The following SOX5 variants were observed in gnomAD, a reference collection of about 807,000 sequenced individuals.
The protein encoded by SOX5 is transcription factor SOX-5.
In SOX5, 9 loss-of-function variants were observed where a neutral mutation model predicts 92.0. That is an observed-to-expected ratio of 0.10 (90% CI 0.06 to 0.17). The LOEUF (loss-of-function observed/expected upper bound fraction) is 0.17. Among genes scored for constraint, SOX5 ranks in the 10% least tolerant of loss-of-function variants. The pLI is 1.00. For missense variants in SOX5, 642 were observed against 944.5 expected, an observed-to-expected ratio of 0.68 and a Z score of 4.20; for synonymous variants, 344 against 336.3, an observed-to-expected ratio of 1.02 and a Z score of -0.25.
chr12:24,234,373 C>A (rs1964022539), intron 3 of SOX5, among the ~76,000 whole-genome samples: 2 of 152,058 alleles, frequency 1.3e-5, no homozygotes, highest in Admixed American at 1.3e-4. Context: ...CACATATTTA[C>A]CTATCATGTT....
intron 2 of SOX5, among the ~76,000 whole-genome samples, chr12:24,280,232 G>A (rs1944997959): frequency 6.6e-6 from 1 of 152,158 alleles, no homozygotes; most frequent in African/African-American, 2.4e-5. Flanking sequence ...AGAATGCACT[G>A]TCATACTAAA....
At chr12:23,984,979 G>C (rs914172566) in intron 4 of SOX5, among the ~76,000 whole-genome samples, 15 of 152,090 alleles carry the variant, frequency 9.9e-5, no homozygotes, top group African/African-American at 3.6e-4. Flanking sequence ...TGAGCAGTAG[G>C]ATATAAATAA....
chr12:24,297,660 GCAGGT>G (rs1245589084), intron 2 of SOX5, among the ~76,000 whole-genome samples: 2 of 152,200 alleles, frequency 1.3e-5, no homozygotes, highest in African/African-American at 4.8e-5. Flanking sequence ...TCCCAGTGCT[GCAGGT>G]CAGGTCAAGA....
chr12:23,915,298 C>T (rs1033512035), intron 1 of SOX5, among the ~76,000 whole-genome samples: 2 of 152,070 alleles, frequency 1.3e-5, no homozygotes, highest in Admixed American at 6.5e-5. Context: ...TAGCTCTAAA[C>T]CATAGTTAAG....
intron 6 of SOX5, among the ~76,000 whole-genome samples, chr12:23,670,044 G>A (rs2084506523): frequency 6.6e-6 from 1 of 152,130 alleles, no homozygotes; most frequent in Non-Finnish European, 1.5e-5. Context: ...AAACGTGGAG[G>A]AAAGGTGCCT....
At chr12:24,267,831 A>G (rs1943213695) in intron 3 of SOX5, among the ~76,000 whole-genome samples, 1 of 152,196 alleles carries the variant, frequency 6.6e-6, no homozygotes, top group African/African-American at 2.4e-5. Flanking sequence ...AATTGTTATT[A>G]TATTCTTAAG....
chr12:24,001,623 G>T (rs1951618258), intron 4 of SOX5, among the ~76,000 whole-genome samples: 1 of 151,934 alleles, frequency 6.6e-6, no homozygotes, highest in Admixed American at 6.6e-5. Context: ...TTCAAGACTA[G>T]TCTAGGCAAC....
intron 6 of SOX5, among the ~76,000 whole-genome samples, chr12:23,729,619 C>G (rs896733788): frequency 6.6e-6 from 1 of 152,122 alleles, no homozygotes; most frequent in East Asian, 1.9e-4. Flanking sequence ...AATACTAATT[C>G]TTTGCTTGCA....
At chr12:23,871,879 A>C (rs1046948135) in intron 2 of SOX5, among the ~76,000 whole-genome samples, 4 of 152,132 alleles carry the variant, frequency 2.6e-5, no homozygotes, top group Admixed American at 1.3e-4. Flanking sequence ...CCTGTCTATA[A>C]CAATAGAGTT....
At position 23,830,729 on chromosome 12, in the gene SOX5, G is replaced by T. The variant is rs756480666; in HGVS notation, c.481+15254C>A. ...TTGGGATTTTGAACTTAGGAAAGCC[G>T]ATCTCCATAATTTCCCCATAAAAAT... On this transcript the variant is annotated intron_variant, in intron 3 of 14. Transcript: ENST00000451604. Among the ~76,000 whole-genome samples the T allele has an allele frequency of 6.6e-5, 10 of 152,224 alleles. No individual in the cohort carries two copies. The East Asian group carries it at 1.7e-3, about 26-fold the overall frequency.
chr12:23,796,915 A>ATG (rs1348222403), intron 3 of SOX5, among the ~76,000 whole-genome samples: 13 of 147,126 alleles, frequency 8.8e-5, no homozygotes, highest in Non-Finnish European at 1.9e-4. Context: ...ATTTATATAT[A>ATG]TATATACTCA....
At position 23,578,144 on chromosome 12, in the gene SOX5, A is replaced by AAAAAAAAAAAAAG. The variant is rs1432589481; in HGVS notation, c.1165-2307_1165-2306insCTTTTTTTTTTTT. On this transcript the variant is annotated intron_variant, in intron 9 of 14. Transcript: ENST00000451604. ...AAAAAAAAAAAAAAAAAAAAAAAAA[A>AAAAAAAAAAAAAG]AAAAAACTATAGGGGCAATATTATC... Among the ~76,000 whole-genome samples, 6 of 134,908 alleles carry AAAAAAAAAAAAAG rather than the reference A, an allele frequency of 4.4e-5. 1 individual carries two copies. Among genetic ancestry groups the AAAAAAAAAAAAAG allele is most frequent in the Non-Finnish European group, 9.7e-5 (6 of 61,726 alleles). 88.5% of individuals were successfully genotyped at this position (134,908 alleles called of 152,430 possible).
intron 4 of SOX5, among the ~76,000 whole-genome samples, chr12:24,009,598 T>G (rs10505923): frequency 0.46 from 69,779 of 151,434 alleles, 16,396 homozygotes; most frequent in Middle Eastern, 0.58. Flanking sequence ...TTTTCAAGGG[T>G]TTATCAAATT....
intron 4 of SOX5, among the ~76,000 whole-genome samples, chr12:24,098,379 ATATT>A (rs1320774449): frequency 6.6e-6 from 1 of 152,116 alleles, no homozygotes; most frequent in African/African-American, 2.4e-5. Flanking sequence ...TGCTTTGGAA[ATATT>A]TATTTTAGTA....
chr12:23,817,438 CT>C (rs1243958627), intron 3 of SOX5, among the ~76,000 whole-genome samples: 2 of 152,148 alleles, frequency 1.3e-5, no homozygotes, highest in African/African-American at 4.8e-5. Flanking sequence ...AAAATATTTT[CT>C]TTACAGTTGT....
chr12:24,528,735 A>T (rs934563265), intron 1 of SOX5, among the ~76,000 whole-genome samples: 4 of 152,210 alleles, frequency 2.6e-5, no homozygotes, highest in Non-Finnish European at 5.9e-5. Context: ...AATCTCATCC[A>T]GCATCCTCAG....
intron 3 of SOX5, among the ~76,000 whole-genome samples, chr12:23,760,417 G>C (rs2094530757): frequency 6.6e-6 from 1 of 152,014 alleles, no homozygotes; most frequent in Non-Finnish European, 1.5e-5. Flanking sequence ...ACGGATATAA[G>C]ACAAATTCAA....
At chr12:24,439,497 C>T (rs1378520765) in intron 1 of SOX5, among the ~76,000 whole-genome samples, 1 of 152,208 alleles carries the variant, frequency 6.6e-6, no homozygotes, top group Non-Finnish European at 1.5e-5. Context: ...TCTCATTTCA[C>T]TTTGTTCACT....
intron 1 of SOX5, among the ~76,000 whole-genome samples, chr12:24,503,483 G>A (rs560928309): frequency 3.9e-5 from 6 of 152,300 alleles, no homozygotes; most frequent in African/African-American, 1.4e-4. Context: ...TAGTCTAAAT[G>A]AACAATTATC....
Sources: allele counts gnomAD v4.1 joint callset (sites outside exome capture counted in the v4.1 genomes callset), GRCh38; gene constraint gnomAD v4.1.1; transcripts MANE v1.5; gene names NCBI Gene and HGNC (gene_info 2026-07-23, HGNC 2026-07-21).